SYTL5: variants seen among roughly 807,000 people sequenced by gnomAD.
SYTL5 encodes the protein synaptotagmin like 5.
A neutral mutation model predicts 55.9 loss-of-function variants in SYTL5; 34 were observed. That is an observed-to-expected ratio of 0.61 (90% CI 0.46 to 0.81). SYTL5 has a LOEUF of 0.81. Ranked by LOEUF, SYTL5 falls within the 30% of genes least tolerant of loss-of-function variation. The pLI, the probability that SYTL5 is intolerant of heterozygous loss-of-function variation, is 0.00. For missense variants in SYTL5, 637 were observed against 546.7 expected, an observed-to-expected ratio of 1.17 and a Z score of -1.65; for synonymous variants, 221 against 188.7, an observed-to-expected ratio of 1.17 and a Z score of -1.40.
chrX:37,988,670 T>C, the SYTL5 span, among the ~76,000 whole-genome samples: 2 of 112,511 alleles, frequency 1.8e-5, no homozygotes, highest in East Asian at 5.5e-4. Flanking sequence ...AGAAAGTCTA[T>C]ATTGTCTTAG....
At chrX:38,032,801 C>T (rs756093286) in intron 1 of SYTL5, among the ~76,000 whole-genome samples, 8 of 110,887 alleles carry the variant, frequency 7.2e-5, no homozygotes, top group African/African-American at 2.6e-4. Flanking sequence ...AATCTCAAAG[C>T]TCACTACAGT....
intron 13 of SYTL5, among the ~76,000 whole-genome samples, chrX:38,113,215 G>T (rs1300476612): frequency 8.9e-6 from 1 of 111,999 alleles, no homozygotes; most frequent in Non-Finnish European, 1.9e-5. Context: ...CTTCTGAAAG[G>T]CATGTCAGGT....
chrX:37,998,454 T>C, the SYTL5 span, among the ~76,000 whole-genome samples: 1 of 111,998 alleles, frequency 8.9e-6, no homozygotes, highest in African/African-American at 3.2e-5. Context: ...CTGTGGAAGC[T>C]GCTTGTCGTG....
chrX:37,940,176 C>T, the SYTL5 span, among the ~76,000 whole-genome samples: 4 of 110,808 alleles, frequency 3.6e-5, no homozygotes, highest in African/African-American at 9.8e-5. Context: ...TCTCCAACCT[C>T]TGCCTTTTGT....
At chrX:37,937,364 A>T in the SYTL5 span, among the ~76,000 whole-genome samples, 35 of 111,344 alleles carry the variant, frequency 3.1e-4, no homozygotes, top group Non-Finnish European at 6.2e-4. Flanking sequence ...GGCGGCTTTG[A>T]TTCACCACCA....
the SYTL5 span, among the ~76,000 whole-genome samples, chrX:37,992,195 C>T: frequency 5.7e-4 from 64 of 112,958 alleles, no homozygotes; most frequent in South Asian, 0.022. Context: ...TCCCAAGTGG[C>T]GGCCTCTAAA....
the SYTL5 span, among the ~76,000 whole-genome samples, chrX:37,909,730 A>G: frequency 9.2e-6 from 1 of 108,956 alleles, no homozygotes; most frequent in East Asian, 2.9e-4. Context: ...GCTGGAGTGC[A>G]ATGGCGTGAT....
intron 6 of SYTL5, among the ~76,000 whole-genome samples, chrX:38,078,555 C>T (rs766378692): frequency 7.1e-4 from 79 of 110,868 alleles, no homozygotes; most frequent in African/African-American, 2.4e-3. Context: ...CCACCGCACC[C>T]GGCCAATGTT....
chrX:38,050,616 TA>T (rs201823212), intron 2 of SYTL5, among the ~76,000 whole-genome samples: 186 of 107,654 alleles, frequency 1.7e-3, no homozygotes, highest in African/African-American at 5.7e-3. Flanking sequence ...AAACTAAAAT[TA>T]AAAAAAAAAT....
intron 2 of SYTL5, among the ~76,000 whole-genome samples, chrX:38,048,155 C>A (rs1486680689): frequency 9.1e-6 from 1 of 109,649 alleles, no homozygotes; most frequent in African/African-American, 3.3e-5. Flanking sequence ...CACTGCACTC[C>A]AGCCTGGGCG....
the SYTL5 span, among the ~76,000 whole-genome samples, chrX:37,911,570 G>A: frequency 9.0e-6 from 1 of 111,173 alleles, no homozygotes; most frequent in Non-Finnish European, 1.9e-5. Context: ...ATGGGGCATT[G>A]CAAATTTCCC....
the SYTL5 span, among the ~76,000 whole-genome samples, chrX:37,912,408 A>G: frequency 1.8e-5 from 2 of 112,127 alleles, no homozygotes; most frequent in Non-Finnish European, 3.8e-5. Context: ...CCACATGTTC[A>G]TTGCCTTCAG....
At chrX:38,059,579 A>T (rs1935885889) in intron 3 of SYTL5, among the ~76,000 whole-genome samples, 1 of 112,045 alleles carries the variant, frequency 8.9e-6, no homozygotes, top group African/African-American at 3.2e-5. Context: ...GACTCATAAC[A>T]TGCCTATTAG....
chrX:38,103,402 T>C (rs183507883), intron 10 of SYTL5, among the ~76,000 whole-genome samples: 16 of 111,615 alleles, frequency 1.4e-4, no homozygotes, highest in Non-Finnish European at 3.0e-4. Flanking sequence ...GTTTAGTTAG[T>C]AGTAAAATTG....
chrX:38,054,364 G>A lies in SYTL5; in HGVS notation c.271G>A (p.Glu91Lys). 5.0e-6 allele frequency: 6 copies of A among 1,211,730 alleles called. No individual in the cohort carries two copies. The highest frequency in any genetic ancestry group is 1.8e-5 in the South Asian group (1 of 57,002). ...CQACSLRVCR[E>K]CRVAGPNGSW... ...GGCTTGCTCACTGAGGGTATGCAGGGAGTGTCGAGTTGCAGGCCCCAATGG... is the reference window on the plus strand; with the variant it reads ...GGCTTGCTCACTGAGGGTATGCAGGAAGTGTCGAGTTGCAGGCCCCAATGG... The change falls in exon 3 of 17, where the codon GAG (glutamate) becomes AAG (lysine). Residue 91 changes from glutamate (E) to lysine (K), a missense_variant. Coordinates refer to ENST00000297875, the MANE Select transcript of SYTL5 (RefSeq NM_138780.3).
At chrX:37,993,546 C>T in the SYTL5 span, among the ~76,000 whole-genome samples, 1 of 112,198 alleles carries the variant, frequency 8.9e-6, no homozygotes, top group Non-Finnish European at 1.9e-5. Flanking sequence ...TATGGAAATG[C>T]GTTGAAACAA....
the SYTL5 span, among the ~76,000 whole-genome samples, chrX:37,959,778 A>G: frequency 6.3e-5 from 7 of 111,708 alleles, no homozygotes; most frequent in East Asian, 2.8e-4. Flanking sequence ...GTGAATCCCA[A>G]CAACTGACCT....
In SYTL5 at chrX:38,103,674, A is replaced by G. The variant is rs768911341; in HGVS notation, c.1155+1240A>G. The stretch of plus-strand genomic sequence containing the variant: ...GAATTTTCTCATTTGTAACATGAGT[A>G]GGTTGGGGTTTATTCTTGAAACCTT... On this transcript the variant is annotated intron_variant, in intron 10 of 16. Transcript: ENST00000297875. 6.7e-4 allele frequency among the ~76,000 whole-genome samples: 75 copies of G among 111,200 alleles called. 1 individual carries two copies. The highest frequency in any genetic ancestry group is 2.3e-3 in the Admixed American group (24 of 10,453).
At chrX:38,035,516 G>A (rs1282651264) in intron 2 of SYTL5, among the ~76,000 whole-genome samples, 18 of 104,493 alleles carry the variant, frequency 1.7e-4, no homozygotes, top group Admixed American at 1.3e-3. Flanking sequence ...GCATGAACCC[G>A]GGAGGCGGAG....
Sources: allele counts gnomAD v4.1 joint callset (sites outside exome capture counted in the v4.1 genomes callset), GRCh38; gene constraint gnomAD v4.1.1; transcripts MANE v1.5; gene names NCBI Gene and HGNC (gene_info 2026-07-23, HGNC 2026-07-21).